SNX29: variants seen among roughly 807,000 people sequenced by gnomAD.
SNX29 encodes sorting nexin-29.
SNX29 carries 78 observed loss-of-function variants against 102.1 expected under a neutral mutation model. The ratio of observed to expected loss-of-function variants is 0.76; its 90% CI spans 0.64 to 0.92. SNX29 has a LOEUF of 0.92. SNX29 is among the 40% of genes least tolerant of loss of function. The pLI is 0.00. For missense variants in SNX29, 1,280 were observed against 1,061.7 expected, an observed-to-expected ratio of 1.21 and a Z score of -2.86; for synonymous variants, 580 against 414.5, an observed-to-expected ratio of 1.40 and a Z score of -4.85.
At chr16:12,357,950 G>C (rs909582346) in intron 16 of SNX29, among the ~76,000 whole-genome samples, 9 of 152,182 alleles carry the variant, frequency 5.9e-5, no homozygotes, top group Admixed American at 5.2e-4. Context: ...TAGAGGCTTG[G>C]ATTCAGGTTT....
intron 18 of SNX29, among the ~76,000 whole-genome samples, chr16:12,456,475 G>A (rs913960980): frequency 6.6e-6 from 1 of 151,964 alleles, no homozygotes; most frequent in Non-Finnish European, 1.5e-5. Flanking sequence ...TTGGGGTGGG[G>A]TAAGGGTGTA....
chr16:12,010,264 A>G (rs556784998), intron 3 of SNX29, among the ~76,000 whole-genome samples: 25 of 152,266 alleles, frequency 1.6e-4, no homozygotes, highest in African/African-American at 5.5e-4. Flanking sequence ...ACACTCACAC[A>G]CTGGATCTCT....
chr16:12,500,334 A>C (rs2089053967), intron 19 of SNX29, among the ~76,000 whole-genome samples: 1 of 152,138 alleles, frequency 6.6e-6, no homozygotes. Flanking sequence ...ATGCTGATGG[A>C]GCTTGCCTGC....
Position 12,570,403 on chromosome 16 carries a change from A to C in SNX29, c.*1774A>C. ...CTGAAATTCCAAGGCCAGAGTGCAC[A>C]TCAGCTCACATGACTGGCAACTCTA... On this transcript the variant is annotated 3_prime_UTR_variant, in exon 21 of 21. Transcript: ENST00000566228. The C allele has an allele frequency of 3.4e-6, 1 of 290,452 alleles. No homozygotes were observed. Among genetic ancestry groups the C allele is most frequent in the Non-Finnish European group, 5.9e-6 (1 of 170,498 alleles). The allele number at this position is 290,452 out of a possible 1,614,324, so 18.0% of individuals were successfully genotyped here.
intron 8 of SNX29, among the ~76,000 whole-genome samples, chr16:12,058,495 G>GTTTTTTTTTT (rs1249420541): frequency 2.7e-4 from 29 of 106,534 alleles, no homozygotes; most frequent in African/African-American, 3.5e-4. Flanking sequence ...TTGGTTTTTG[G>GTTTTTTTTTT]TTTTTTTTTT....
At chr16:12,269,178 C>T (rs7191435) in intron 14 of SNX29, among the ~76,000 whole-genome samples, 106,075 of 152,170 alleles carry the variant, frequency 0.7, 38,041 homozygotes, top group African/African-American at 0.86. Context: ...AGTGGAACTT[C>T]TATAATTATG....
chr16:12,313,984 T>C (rs1206039641), intron 15 of SNX29, among the ~76,000 whole-genome samples: 1 of 152,244 alleles, frequency 6.6e-6, no homozygotes, highest in East Asian at 1.9e-4. Context: ...TTTGCTTATG[T>C]TTATTTTTAA....
At chr16:12,479,733 A>C (rs1333786377) in intron 19 of SNX29, among the ~76,000 whole-genome samples, 1 of 152,248 alleles carries the variant, frequency 6.6e-6, no homozygotes, top group East Asian at 1.9e-4. Flanking sequence ...CATGCTGCTA[A>C]CCAGCGTATT....
chr16:12,336,036 A>G (rs986350156), intron 15 of SNX29, among the ~76,000 whole-genome samples: 11 of 152,164 alleles, frequency 7.2e-5, no homozygotes, highest in Admixed American at 5.9e-4. Flanking sequence ...CCAGCACTTG[A>G]TATCTTTATG....
chr16:12,028,150 G>A (rs922188445), intron 4 of SNX29, among the ~76,000 whole-genome samples: 25 of 152,090 alleles, frequency 1.6e-4, no homozygotes, highest in African/African-American at 4.8e-4. Context: ...TGGGAATCCC[G>A]GAATCTTTCT....
intron 1 of SNX29, chr16:11,977,992 G>A (rs1421970217): frequency 6.6e-6 from 1 of 152,238 alleles, no homozygotes; most frequent in Non-Finnish European, 1.5e-5. Flanking sequence ...GGCATTTCTG[G>A]AGGTTGAGCG....
At chr16:12,382,450 G>A (rs2083200587) in intron 16 of SNX29, among the ~76,000 whole-genome samples, 3 of 152,158 alleles carry the variant, frequency 2.0e-5, no homozygotes, top group Non-Finnish European at 2.9e-5. Flanking sequence ...AGCAAGTTAA[G>A]TCAACTCTCT....
At chr16:12,086,728 A>G (rs2052213886) in intron 11 of SNX29, 1 of 152,078 alleles carries the variant, frequency 6.6e-6, no homozygotes, top group Admixed American at 6.6e-5. Flanking sequence ...ACCAAATTTT[A>G]AAATGAAGAA....
chr16:12,232,641 G>C (rs2077804442), intron 14 of SNX29, among the ~76,000 whole-genome samples: 1 of 152,168 alleles, frequency 6.6e-6, no homozygotes, highest in African/African-American at 2.4e-5. Context: ...TGGGGAATCT[G>C]GCTATTCATG....
At chr16:12,055,466 A>C (rs1254296949) in intron 8 of SNX29, among the ~76,000 whole-genome samples, 1 of 151,984 alleles carries the variant, frequency 6.6e-6, no homozygotes. Flanking sequence ...CCTGACCTCA[A>C]ATGATCCACC....
At chr16:12,188,211 C>G (rs991760441) in intron 13 of SNX29, among the ~76,000 whole-genome samples, 1 of 152,128 alleles carries the variant, frequency 6.6e-6, no homozygotes, top group African/African-American at 2.4e-5. Context: ...ATATGCCAGA[C>G]ACTTTATTTA....
intron 14 of SNX29, among the ~76,000 whole-genome samples, chr16:12,233,218 G>T (rs2077823429): frequency 6.6e-6 from 1 of 152,126 alleles, no homozygotes; most frequent in Non-Finnish European, 1.5e-5. Flanking sequence ...ACTGGATAAA[G>T]AAAATGTGGT....
At chr16:12,381,852 C>T (rs1287493411) in intron 16 of SNX29, among the ~76,000 whole-genome samples, 3 of 147,040 alleles carry the variant, frequency 2.0e-5, no homozygotes, top group Non-Finnish European at 3.0e-5. Context: ...CATTATCCAT[C>T]CACTCACCCA....
At chr16:12,567,142 G>T (rs1222154743) in intron 20 of SNX29, among the ~76,000 whole-genome samples, 1 of 152,224 alleles carries the variant, frequency 6.6e-6, no homozygotes, top group African/African-American at 2.4e-5. Context: ...TTGTGAAACT[G>T]GGCTTGGATA....
Sources: gnomAD v4.1 joint callset for allele counts (sites outside exome capture counted in the v4.1 genomes callset) on GRCh38, gnomAD v4.1.1 for gene constraint, MANE v1.5 for transcripts, NCBI Gene and HGNC (gene_info 2026-07-23, HGNC 2026-07-21) for gene names.